PSMA1: variants seen among roughly 807,000 people sequenced by gnomAD.
PSMA1 encodes proteasome subunit alpha type-1.
In PSMA1, 3 loss-of-function variants were observed where a neutral mutation model predicts 38.4. That is an observed-to-expected ratio of 0.08 (90% confidence interval 0.04 to 0.20). The LOEUF (loss-of-function observed/expected upper bound fraction) is 0.20. Among genes scored for constraint, PSMA1 ranks in the 10% least tolerant of loss-of-function variants. The pLI, the probability that PSMA1 is intolerant of heterozygous loss-of-function variation, is 1.00. For synonymous variants in PSMA1, 101 were observed against 107.1 expected (o/e 0.94, Z 0.35); for missense variants, 227 against 325.3 (o/e 0.70, Z 2.32).
intron 1 of PSMA1, among the ~76,000 whole-genome samples, chr11:14,617,113 T>G (rs1852782779): frequency 6.6e-6 from 1 of 152,088 alleles, no homozygotes; most frequent in Non-Finnish European, 1.5e-5. Flanking sequence ...AGGGAGAAAA[T>G]AAGGGGCTTG....
Position 14,517,722 on chromosome 11 carries a change from A to T in PSMA1, c.174T>A (p.Ala58=), listed in dbSNP as rs954741763. 13 of 1,606,652 alleles carry T rather than the reference A, an allele frequency of 8.1e-6. No homozygotes were observed. Among genetic ancestry groups the T allele is most frequent in the Non-Finnish European group, 1.1e-5 (13 of 1,178,206 alleles). ...ALKRAQSELA[A]HQKKILHVDN... is the part of the protein sequence containing the mutation. The stretch of plus-strand genomic sequence containing the variant: ...CAACATGGAGAATTTTTTTCTGATG[A>T]GCTGCAAGCTCTGATTGCGCCCTCT... Residue 58 remains alanine (A), a synonymous_variant, in exon 4 of 10, where the codon GCT becomes GCA. Coordinates refer to ENST00000396394, the MANE Select transcript of PSMA1 (RefSeq NM_002786.4).
At chr11:14,578,285 C>A (rs1189908039) in intron 2 of PSMA1, among the ~76,000 whole-genome samples, 1 of 152,096 alleles carries the variant, frequency 6.6e-6, no homozygotes, top group Non-Finnish European at 1.5e-5. Context: ...GTTTGTTGTC[C>A]TGCTGGCCTT....
chr11:14,589,743 A>G (rs1852389787), intron 2 of PSMA1, among the ~76,000 whole-genome samples: 1 of 152,188 alleles, frequency 6.6e-6, no homozygotes, highest in Non-Finnish European at 1.5e-5. Context: ...CACAAGCAAC[A>G]GTACATAAAG....
At chr11:14,554,830 T>C (rs1851925612) in intron 2 of PSMA1, among the ~76,000 whole-genome samples, 1 of 152,226 alleles carries the variant, frequency 6.6e-6, no homozygotes, top group African/African-American at 2.4e-5. Context: ...TTCTATGAGA[T>C]GGTATTATTA....
At chr11:14,586,173 G>A (rs370844237) in intron 2 of PSMA1, among the ~76,000 whole-genome samples, 2 of 152,056 alleles carry the variant, frequency 1.3e-5, no homozygotes, top group East Asian at 3.9e-4. Flanking sequence ...GGCTCACACC[G>A]GTAATCCTGG....
upstream of PSMA1, chr11:14,520,536 G>A: frequency 7.3e-7 from 1 of 1,374,334 alleles, no homozygotes; most frequent in Non-Finnish European, 9.5e-7. Context: ...GAGACTGGCG[G>A]GAAAACCTGG....
chr11:14,623,273 G>A (rs113892658), intron 1 of PSMA1, among the ~76,000 whole-genome samples: 60 of 152,250 alleles, frequency 3.9e-4, no homozygotes, highest in Non-Finnish European at 6.9e-4. Context: ...TAGAAGGAAA[G>A]CTTAAGCTTG....
intron 2 of PSMA1, among the ~76,000 whole-genome samples, chr11:14,539,276 T>C (rs552149041): frequency 2.5e-4 from 38 of 152,320 alleles, no homozygotes; most frequent in African/African-American, 8.7e-4. Flanking sequence ...CCCCTTATTT[T>C]TGAATCTCAT....
chr11:14,593,788 A>C (rs961420823), intron 2 of PSMA1, among the ~76,000 whole-genome samples: 5 of 152,128 alleles, frequency 3.3e-5, no homozygotes, highest in African/African-American at 1.2e-4. Flanking sequence ...TGGCATGTAA[A>C]TCTCCAGTGG....
intron 2 of PSMA1, among the ~76,000 whole-genome samples, chr11:14,548,303 T>G (rs1054634296): frequency 2.0e-5 from 3 of 152,176 alleles, no homozygotes; most frequent in African/African-American, 7.2e-5. Flanking sequence ...CCCAAGCTCA[T>G]ATGACTGGTA....
chr11:14,634,788 A>T (rs1410591988), intron 1 of PSMA1, among the ~76,000 whole-genome samples: 1 of 152,220 alleles, frequency 6.6e-6, no homozygotes, highest in Non-Finnish European at 1.5e-5. Flanking sequence ...TCATTCTTAT[A>T]TCCCAATAAG....
intron 1 of PSMA1, among the ~76,000 whole-genome samples, chr11:14,614,534 T>G (rs1275764945): frequency 6.6e-6 from 1 of 152,112 alleles, no homozygotes; most frequent in African/African-American, 2.4e-5. Flanking sequence ...CATAATAAAC[T>G]CAGTACGCAG....
upstream of PSMA1, among the ~76,000 whole-genome samples, chr11:14,522,279 T>G (rs1266906025): frequency 6.6e-6 from 1 of 152,208 alleles, no homozygotes. Flanking sequence ...ATTATTAGTG[T>G]GCAATTCAAT....
chr11:14,560,777 G>A (rs1223718799), intron 2 of PSMA1, among the ~76,000 whole-genome samples: 3 of 152,156 alleles, frequency 2.0e-5, no homozygotes, highest in African/African-American at 2.4e-5. Context: ...TATCTTTGCA[G>A]GGTATCACCT....
chr11:14,517,846 C>A, intron 3 of PSMA1, 34 bp downstream of exon 3: 1 of 1,542,532 alleles, frequency 6.5e-7, no homozygotes, highest in East Asian at 2.3e-5. Flanking sequence ...ACATTGTTTT[C>A]TACAGAGGAA....
At chr11:14,619,158 T>C (rs958594192) in intron 1 of PSMA1, among the ~76,000 whole-genome samples, 9 of 152,076 alleles carry the variant, frequency 5.9e-5, no homozygotes, top group Non-Finnish European at 8.8e-5. Flanking sequence ...TTAAAAATAC[T>C]GTAATATAGG....
chr11:14,515,315 T>A (rs971661053), intron 4 of PSMA1, among the ~76,000 whole-genome samples: 1 of 152,334 alleles, frequency 6.6e-6, no homozygotes, highest in Admixed American at 6.5e-5. Flanking sequence ...AATTGAGATG[T>A]ACACCAAGTA....
intron 2 of PSMA1, among the ~76,000 whole-genome samples, chr11:14,604,931 CATTTTCTT>C (rs1198080956): frequency 2.0e-5 from 3 of 152,162 alleles, no homozygotes; most frequent in Non-Finnish European, 4.4e-5. Flanking sequence ...ATATGTACCA[CATTTTCTT>C]TATCCAATCC....
intron 2 of PSMA1, among the ~76,000 whole-genome samples, chr11:14,569,263 T>C (rs1159330431): frequency 6.6e-6 from 1 of 152,096 alleles, no homozygotes; most frequent in Non-Finnish European, 1.5e-5. Context: ...GATGGCCAAA[T>C]AGGAACAGCT....
Sources: allele counts gnomAD v4.1 joint callset (sites outside exome capture counted in the v4.1 genomes callset), GRCh38; gene constraint gnomAD v4.1.1; transcripts MANE v1.5; gene names NCBI Gene and HGNC (gene_info 2026-07-23, HGNC 2026-07-21).